The following PTK2 variants were observed in gnomAD, a reference collection of about 807,000 sequenced individuals.
PTK2 encodes the protein focal adhesion kinase 1.
Under a neutral mutation model 150.1 loss-of-function variants are expected in PTK2, and 45 were observed. The observed-to-expected ratio is 0.30, with a 90% CI of 0.24 to 0.38. The LOEUF (loss-of-function observed/expected upper bound fraction) is 0.38, where lower values mean the gene tolerates loss of function less well. Among genes scored for constraint, PTK2 ranks in the 10% least tolerant of loss-of-function variants. The pLI, the probability that PTK2 is intolerant of heterozygous loss-of-function variation, is 1.00. For synonymous variants in PTK2, 432 were observed against 449.2 expected (o/e 0.96, Z 0.48); for missense variants, 919 against 1,307.3 (o/e 0.70, Z 4.58).
intron 1 of PTK2, among the ~76,000 whole-genome samples, chr8:140,987,606 T>C (rs957282727): frequency 1.3e-5 from 2 of 152,228 alleles, no homozygotes. Flanking sequence ...TGAAATTCCA[T>C]TACACACTGA....
intron 1 of PTK2, among the ~76,000 whole-genome samples, chr8:140,979,214 A>G (rs2100190480): frequency 6.6e-6 from 1 of 152,004 alleles, no homozygotes; most frequent in East Asian, 1.9e-4. Context: ...TACATATGTA[A>G]CAAACCTGCA....
chr8:140,717,929 C>A, intron 22 of PTK2: 1 of 417,942 alleles, frequency 2.4e-6, no homozygotes, highest in East Asian at 3.8e-5. Flanking sequence ...AAAGCACAGC[C>A]ATAGGTAAGA....
chr8:140,738,180 G>C (rs1306998214), intron 21 of PTK2, among the ~76,000 whole-genome samples: 1 of 152,152 alleles, frequency 6.6e-6, no homozygotes, highest in Non-Finnish European at 1.5e-5. Context: ...GACAAAGAGA[G>C]AAAGTGTAGG....
chr8:140,960,596 A>T (rs1459332475), intron 1 of PTK2, among the ~76,000 whole-genome samples: 2 of 152,240 alleles, frequency 1.3e-5, no homozygotes, highest in African/African-American at 4.8e-5. Context: ...CTGTAAAGAA[A>T]GCATGATCTC....
intron 1 of PTK2, chr8:140,940,670 A>G (rs1175404993): frequency 6.6e-6 from 1 of 152,220 alleles, no homozygotes; most frequent in East Asian, 1.9e-4. Flanking sequence ...GGCTTAAAAT[A>G]AAATTGTTTT....
intron 14 of PTK2, among the ~76,000 whole-genome samples, chr8:140,776,830 G>C (rs2100078735): frequency 6.6e-6 from 1 of 152,158 alleles, no homozygotes; most frequent in African/African-American, 2.4e-5. Context: ...AACACAATGA[G>C]ATCCCCAAGG....
At chr8:140,729,696 T>C (rs1219471907) in intron 22 of PTK2, among the ~76,000 whole-genome samples, 2 of 152,142 alleles carry the variant, frequency 1.3e-5, no homozygotes, top group East Asian at 3.8e-4. Flanking sequence ...AACTAACCAA[T>C]ATTAACAACC....
At position 140,972,038 on chromosome 8, in the gene PTK2, C is replaced by T. The variant is rs766933748; in HGVS notation, c.-122+29087G>A. Among the ~76,000 whole-genome samples, 37 of 152,132 alleles carry T rather than the reference C, an allele frequency of 2.4e-4. 1 individual carries two copies. The highest frequency in any genetic ancestry group is 8.3e-4 in the South Asian group (4 of 4,824). ...ACTGCTATCAGTATTTCGATGTATC[C>T]TGTCAGGATTAAGACATTTTTCAAA... On this transcript the variant is annotated intron_variant, in intron 1 of 31. Transcript: ENST00000522684.
At chr8:140,912,820 T>C (rs747736653) in intron 2 of PTK2, among the ~76,000 whole-genome samples, 3 of 151,416 alleles carry the variant, frequency 2.0e-5, no homozygotes, top group African/African-American at 7.3e-5. Context: ...TTAGACGAGC[T>C]TGGTAGTCCC....
intron 1 of PTK2, among the ~76,000 whole-genome samples, chr8:140,988,365 T>C (rs2100194170): frequency 6.6e-6 from 1 of 152,148 alleles, no homozygotes; most frequent in South Asian, 2.1e-4. Context: ...ATAAGACTTA[T>C]TATAAAGCTA....
At chr8:140,798,317 T>C (rs2100092915) in intron 12 of PTK2, among the ~76,000 whole-genome samples, 1 of 152,224 alleles carries the variant, frequency 6.6e-6, no homozygotes. Flanking sequence ...CTAGGCAATG[T>C]ATCTTCACCT....
At chr8:140,779,940 G>A (rs1424954319) in intron 14 of PTK2, among the ~76,000 whole-genome samples, 1 of 152,058 alleles carries the variant, frequency 6.6e-6, no homozygotes, top group Admixed American at 6.5e-5. Flanking sequence ...ATCCAACCTG[G>A]GGTGGTCATG....
chr8:140,678,917 C>CT (rs146212752), intron 27 of PTK2, among the ~76,000 whole-genome samples: 5,240 of 145,166 alleles, frequency 0.036, 125 homozygotes, highest in Middle Eastern at 0.089. Context: ...AATCCATGCC[C>CT]TTTTTTTTTT....
At position 140,659,072 on chromosome 8, in the gene PTK2, T is replaced by A. The variant is rs538920836; in HGVS notation, c.*394A>T. 35 of 236,912 alleles carry A rather than the reference T, an allele frequency of 1.5e-4. No homozygotes were observed. In the South Asian group the frequency reaches 5.4e-3, roughly 37 times the overall value. The allele number at this position is 236,912 out of a possible 1,614,324, so 14.7% of individuals were successfully genotyped here. ...CTTGGGTTTCCTGGAATTCTTTGCTTCATGCTCTCCTCTTCCACTATGCAG... is the reference window on the plus strand; with the variant it reads ...CTTGGGTTTCCTGGAATTCTTTGCTACATGCTCTCCTCTTCCACTATGCAG... On this transcript the variant is annotated 3_prime_UTR_variant, in exon 32 of 32. Transcript: ENST00000522684.
chr8:140,734,801 G>C (rs1446756287), intron 22 of PTK2: 2 of 512,632 alleles, frequency 3.9e-6, no homozygotes, highest in African/African-American at 1.9e-5. Flanking sequence ...CTGAATAAAA[G>C]TTTATAGGTG....
chr8:140,741,324 G>A (rs2100055511), intron 20 of PTK2, among the ~76,000 whole-genome samples: 3 of 151,424 alleles, frequency 2.0e-5, no homozygotes, highest in Admixed American at 6.6e-5. Flanking sequence ...GCGTGGTGGT[G>A]GGCACCTGTA....
Position 140,681,440 on chromosome 8 carries a change from C to T in PTK2, c.2562+5192G>A, listed in dbSNP as rs552513656. On this transcript the variant is annotated intron_variant, in intron 27 of 31. Transcript: ENST00000522684. ...TGGAAAAACAAGAGCCAACCAACCC[C>T]AAACTGGCTGCTTCCTTATGTTGAA... Among the ~76,000 whole-genome samples the T allele has an allele frequency of 1.3e-4, 19 of 151,716 alleles. No individual in the cohort carries two copies. The South Asian group carries it at 3.8e-3, about 30-fold the overall frequency.
intron 2 of PTK2, chr8:140,909,507 T>C (rs1457626801): frequency 2.0e-5 from 3 of 152,218 alleles, no homozygotes; most frequent in African/African-American, 7.2e-5. Context: ...AAAAGCTTTA[T>C]AGATGGTGAC....
chr8:140,661,656 C>T (rs1157501289), intron 31 of PTK2, among the ~76,000 whole-genome samples: 1 of 152,024 alleles, frequency 6.6e-6, no homozygotes, highest in African/African-American at 2.4e-5. Flanking sequence ...TGGGAGATGA[C>T]CACACTCAAG....
Sources: allele counts gnomAD v4.1 joint callset (sites outside exome capture counted in the v4.1 genomes callset), GRCh38; gene constraint gnomAD v4.1.1; transcripts MANE v1.5; gene names NCBI Gene and HGNC (gene_info 2026-07-23, HGNC 2026-07-21).